Variants in ABCA13 observed in about 807,000 individuals in gnomAD.
ABCA13 encodes the protein ATP-binding cassette sub-family A member 13.
A neutral mutation model predicts 478.7 loss-of-function variants in ABCA13; 476 were observed. The ratio of observed to expected loss-of-function variants is 0.99; its 90% CI spans 0.92 to 1.07. The LOEUF is 1.07. Among genes scored for constraint, ABCA13 ranks in the 50% least tolerant of loss-of-function variants. ABCA13 has a pLI of 0.00. For synonymous variants in ABCA13, 2,252 were observed against 2,158.9 expected, an observed-to-expected ratio of 1.04 and a Z score of -1.20; for missense variants, 6,060 against 5,910.6, an observed-to-expected ratio of 1.03 and a Z score of -0.83.
intron 38 of ABCA13, among the ~76,000 whole-genome samples, chr7:48,400,767 C>A (rs969254755): frequency 6.6e-6 from 1 of 152,214 alleles, no homozygotes; most frequent in Non-Finnish European, 1.5e-5. Context: ...TGACCCTGGC[C>A]AATGCCTCAG....
chr7:48,489,643 G>A (rs1467471336), intron 48 of ABCA13, among the ~76,000 whole-genome samples: 1 of 152,154 alleles, frequency 6.6e-6, no homozygotes, highest in Admixed American at 6.5e-5. Context: ...TCTTACAGAA[G>A]CAAGAAAAAT....
chr7:48,421,582 G>A lies in ABCA13; in HGVS notation c.12460-6184G>A, dbSNP rs566799383. 1.7e-4 allele frequency among the ~76,000 whole-genome samples: 26 copies of A among 152,196 alleles called. 1 individual carries two copies. The South Asian group carries it at 5.4e-3, about 32-fold the overall frequency. On this transcript the variant is annotated intron_variant, in intron 41 of 61. Transcript: ENST00000435803. ...CCTCCCATTCTTTGAGCATTTTCCT[G>A]CTTCCTGACAAAACAAGATGTTCTA...
intron 43 of ABCA13, among the ~76,000 whole-genome samples, chr7:48,461,718 A>T (rs1826261508): frequency 6.6e-6 from 1 of 152,068 alleles, no homozygotes; most frequent in Non-Finnish European, 1.5e-5. Flanking sequence ...CGTACCTCTT[A>T]GTGGGTTGAA....
intron 58 of ABCA13, among the ~76,000 whole-genome samples, chr7:48,607,846 T>G (rs1291175292): frequency 6.6e-6 from 1 of 152,180 alleles, no homozygotes; most frequent in Non-Finnish European, 1.5e-5. Flanking sequence ...AAACTCTCCT[T>G]TAGTGAGTAG....
chr7:48,182,709 G>A (rs752909786), intron 1 of ABCA13, among the ~76,000 whole-genome samples: 2 of 152,186 alleles, frequency 1.3e-5, no homozygotes, highest in Non-Finnish European at 2.9e-5. Context: ...CTTTCTGTCA[G>A]TATCCAACTA....
chr7:48,491,899 G>A (rs1373235547), intron 48 of ABCA13, among the ~76,000 whole-genome samples: 1 of 152,182 alleles, frequency 6.6e-6, no homozygotes, highest in African/African-American at 2.4e-5. Flanking sequence ...CAGAAGCTGT[G>A]TCTTGCTCCC....
At chr7:48,431,342 AAACAAC>A (rs56675430) in intron 42 of ABCA13, among the ~76,000 whole-genome samples, 64,126 of 147,752 alleles carry the variant, frequency 0.43, 13,941 homozygotes, top group Middle Eastern at 0.49. Context: ...ATTCTGTCTC[AAACAAC>A]AACAACAACA....
At position 48,372,452 on chromosome 7, in the gene ABCA13, A is replaced by G. The variant is rs770559859; in HGVS notation, c.11088A>G (p.Leu3696=). The G allele has an allele frequency of 8.7e-6, 14 of 1,607,632 alleles. No homozygotes were observed. The African/African-American group carries it at 1.1e-4, about 12-fold the overall frequency. Residue 3696 remains leucine, a synonymous_variant, in exon 33 of 62, where the codon CTA becomes CTG. Transcript: ENST00000435803. Reference sequence around the variant, plus strand: ...TCAGCTTTCTGCCCTACATAGTTCTATTGGTTCTACATAACCAATTAAGTT... The same window carrying G: ...TCAGCTTTCTGCCCTACATAGTTCTGTTGGTTCTACATAACCAATTAAGTT... ...YMISFLPYIV[L]LVLHNQLSFV...
chr7:48,413,054 G>A (rs1183913266), intron 41 of ABCA13, among the ~76,000 whole-genome samples: 4 of 151,722 alleles, frequency 2.6e-5, no homozygotes, highest in Admixed American at 6.6e-5. Flanking sequence ...CTCATGATCC[G>A]CCCGCCTCAG....
At chr7:48,552,386 G>A (rs1001232642) in intron 55 of ABCA13, among the ~76,000 whole-genome samples, 1 of 151,688 alleles carries the variant, frequency 6.6e-6, no homozygotes, top group African/African-American at 2.4e-5. Flanking sequence ...CTAAGAAAAT[G>A]TAAACTTTTT....
At chr7:48,497,529 C>A (rs1483747091) in intron 48 of ABCA13, among the ~76,000 whole-genome samples, 1 of 152,068 alleles carries the variant, frequency 6.6e-6, no homozygotes, top group East Asian at 1.9e-4. Context: ...ACTCTGGATT[C>A]CTTTTCCTAG....
At chr7:48,532,163 G>C (rs995274077) in intron 55 of ABCA13, among the ~76,000 whole-genome samples, 1 of 151,982 alleles carries the variant, frequency 6.6e-6, no homozygotes, top group African/African-American at 2.4e-5. Flanking sequence ...AATACCTTAA[G>C]TTATGTCCCT....
At chr7:48,578,139 A>G (rs1478325045) in intron 55 of ABCA13, among the ~76,000 whole-genome samples, 1 of 152,122 alleles carries the variant, frequency 6.6e-6, no homozygotes, top group Non-Finnish European at 1.5e-5. Flanking sequence ...GAAGCTAGCT[A>G]CCTTTCTCCT....
At chr7:48,290,345 C>T (rs6949474) in intron 20 of ABCA13, among the ~76,000 whole-genome samples, 74,655 of 151,998 alleles carry the variant, frequency 0.49, 18,595 homozygotes, top group Middle Eastern at 0.57. Context: ...ACTTATCCAG[C>T]ATTTCTTGAT....
chr7:48,564,002 G>C (rs1399402179), intron 55 of ABCA13, among the ~76,000 whole-genome samples: 1 of 152,034 alleles, frequency 6.6e-6, no homozygotes, highest in Non-Finnish European at 1.5e-5. Context: ...AAGTTATTTA[G>C]TATATTCCTA....
chr7:48,332,866 T>C (rs1805625284), intron 27 of ABCA13, among the ~76,000 whole-genome samples: 1 of 152,180 alleles, frequency 6.6e-6, no homozygotes, highest in Non-Finnish European at 1.5e-5. Context: ...GCTTTAAAGC[T>C]TTTACTGTGT....
At chr7:48,431,300 C>A (rs1306132541) in intron 42 of ABCA13, among the ~76,000 whole-genome samples, 2 of 151,796 alleles carry the variant, frequency 1.3e-5, no homozygotes, top group African/African-American at 4.8e-5. Context: ...CTAGATCATG[C>A]CACTGCACTC....
At chr7:48,450,792 G>C (rs768161047) in intron 42 of ABCA13, among the ~76,000 whole-genome samples, 13 of 151,884 alleles carry the variant, frequency 8.6e-5, no homozygotes, top group Non-Finnish European at 1.5e-4. Flanking sequence ...TCAAAAGACT[G>C]TATAATTTCA....
intron 21 of ABCA13, among the ~76,000 whole-genome samples, chr7:48,296,548 C>T (rs539631116): frequency 5.7e-4 from 86 of 151,954 alleles, no homozygotes; most frequent in African/African-American, 2.0e-3. Context: ...CAAGCTCCAC[C>T]TCCCGGGTTC....
Sources: gnomAD v4.1 joint callset for allele counts (sites outside exome capture counted in the v4.1 genomes callset) on GRCh38, gnomAD v4.1.1 for gene constraint, MANE v1.5 for transcripts, NCBI Gene and HGNC (gene_info 2026-07-23, HGNC 2026-07-21) for gene names.